Variants in PLEKHM1 observed in about 807,000 individuals in gnomAD.
The protein encoded by PLEKHM1 is pleckstrin homology and RUN domain containing M1.
Under a neutral mutation model 94.3 loss-of-function variants are expected in PLEKHM1, and 28 were observed. That is an observed-to-expected ratio of 0.30 (90% CI 0.22 to 0.41). PLEKHM1 has a LOEUF of 0.41. PLEKHM1 is among the 10% of genes least tolerant of loss of function. PLEKHM1 has a pLI of 1.00. For synonymous variants in PLEKHM1, 424 were observed against 581.2 expected (o/e 0.73, Z 3.89); for missense variants, 907 against 1,358.6 (o/e 0.67, Z 5.22).
rs1421199167 is a variant in PLEKHM1 at position 45,436,472 on chromosome 17, G to C, written c.*1386C>G. The C allele has an allele frequency of 2.2e-6, 1 of 453,562 alleles. No homozygotes were observed. Among genetic ancestry groups the C allele is most frequent in the Admixed American group, 2.3e-5 (1 of 42,554 alleles). The allele number at this position is 453,562 out of a possible 1,614,324, so 28.1% of individuals were successfully genotyped here. On this transcript the variant is annotated 3_prime_UTR_variant, in exon 12 of 12. Coordinates refer to ENST00000430334, the MANE Select transcript of PLEKHM1 (RefSeq NM_014798.3). ...ATCGCCCCCAGGGAAGGGTGGGGGTGGGCTCATCTCTGACAGTGACATGCG... is the reference window on the plus strand; with the variant it reads ...ATCGCCCCCAGGGAAGGGTGGGGGTCGGCTCATCTCTGACAGTGACATGCG...
intron 9 of PLEKHM1, 75 bp from the exon 10 acceptor site, chr17:45,440,301 C>T: frequency 1.2e-5 from 17 of 1,424,390 alleles, no homozygotes; most frequent in Non-Finnish European, 1.6e-5. Flanking sequence ...TGTTTACACT[C>T]CCCTGGCGCT....
chr17:45,478,870 G>A (rs1262425022), intron 2 of PLEKHM1, among the ~76,000 whole-genome samples: 1 of 152,052 alleles, frequency 6.6e-6, no homozygotes, highest in Non-Finnish European at 1.5e-5. Flanking sequence ...CAGAGGACTA[G>A]GCTCAGTCCT....
At chr17:45,485,418 C>A (rs1408998057) in intron 1 of PLEKHM1, among the ~76,000 whole-genome samples, 1 of 152,078 alleles carries the variant, frequency 6.6e-6, no homozygotes, top group African/African-American at 2.4e-5. Flanking sequence ...CCCAAAGTTG[C>A]CCTTCCCTTA....
chr17:45,477,971 C>G lies in PLEKHM1; in HGVS notation c.225G>C (p.Arg75Ser), dbSNP rs761329959. Residue 75 changes from arginine (R) to serine (S), a missense_variant, in exon 3 of 12, where the codon AGG becomes AGC. By Grantham distance (110) the Arg-to-Ser change is moderately radical. Transcript: ENST00000430334. ...GAGGCTTCTGGTGGGCACTTTTCTT[C>G]CTTTTTCCTCCGGCCTCAGCTCGGA... The part of the protein sequence containing the change: ...KHIRAEAGGK[R>S]KKSAHQKPLP... 1 of 1,613,858 alleles carries G rather than the reference C, an allele frequency of 6.2e-7. No homozygotes were observed. The highest frequency in any genetic ancestry group is 1.3e-5 in the African/African-American group (1 of 74,944).
intron 3 of PLEKHM1, chr17:45,477,433 C>CA (rs66616399): frequency 0.022 from 3,460 of 156,988 alleles, 26 homozygotes; most frequent in Middle Eastern, 0.045. Context: ...AACTCCATCC[C>CA]AAAAAAAAAA....
At position 45,454,056 on chromosome 17, in the gene PLEKHM1, G is replaced by C. The variant is rs751956968; in HGVS notation, c.1796C>G (p.Ser599Cys). 9 of 1,614,074 alleles carry C rather than the reference G, an allele frequency of 5.6e-6. No individual in the cohort carries two copies. The highest frequency in any genetic ancestry group is 7.6e-6 in the Non-Finnish European group (9 of 1,180,038). ...GGCGCGCAGGGCCAGCTTCTTGCCA[G>C]AGAAGACCAGCTCAAAGCGCCCATC... ...HSDGRFELVF[S>C]GKKLALRASS... Residue 599 changes from serine to cysteine, a missense_variant, in exon 7 of 12, where the codon TCT becomes TGT. Ser to Cys is a moderately radical substitution (Grantham distance 112). Coordinates refer to ENST00000430334, the MANE Select transcript of PLEKHM1 (RefSeq NM_014798.3).
At chr17:45,468,090 T>C (rs2051375633) in intron 5 of PLEKHM1, 119 bp downstream of exon 5, 7 of 1,134,340 alleles carry the variant, frequency 6.2e-6, no homozygotes, top group South Asian at 2.6e-5. Context: ...ACTATCACTA[T>C]GCAGGGAGAG....
rs1057518595 is a variant in PLEKHM1, at chr17:45,475,139, C to G, written c.884G>C (p.Gly295Ala). The G allele has an allele frequency of 6.2e-7, 1 of 1,613,854 alleles. No individual in the cohort carries two copies. The highest frequency in any genetic ancestry group is 1.3e-5 in the African/African-American group (1 of 74,926). Residue 295 changes from glycine (G) to alanine (A), a missense_variant, in exon 4 of 12, where the codon GGC (glycine) becomes GCC (alanine). By Grantham distance (60) the Gly-to-Ala change is moderately conservative. Transcript: ENST00000430334. ...GTCTGAGTCCTCAGCATTTGCTGTG[C>G]CCAGGTCTGAGTCACAGGACATGGG... The part of the protein sequence containing the change: ...EEPMSCDSDL[G>A]TANAEDSDRS...
chr17:45,478,808 G>A (rs1367120325), intron 2 of PLEKHM1, among the ~76,000 whole-genome samples: 2 of 151,734 alleles, frequency 1.3e-5, no homozygotes, highest in Non-Finnish European at 2.9e-5. Flanking sequence ...TCCAGCCTGG[G>A]CAACATAGCA....
intron 5 of PLEKHM1, among the ~76,000 whole-genome samples, chr17:45,462,975 G>A (rs1430072039): frequency 1.3e-5 from 2 of 150,860 alleles, no homozygotes; most frequent in East Asian, 1.9e-4. Flanking sequence ...TCAGCTACTC[G>A]GGAGGCTGAG....
chr17:45,443,770 G>A (rs2050520108), intron 9 of PLEKHM1, among the ~76,000 whole-genome samples: 1 of 152,160 alleles, frequency 6.6e-6, no homozygotes, highest in Non-Finnish European at 1.5e-5. Context: ...CTGGTTAGGT[G>A]GGCAGGAGGA....
At chr17:45,475,833 A>G in intron 3 of PLEKHM1, 107 bp from the exon 4 acceptor site, 1 of 1,194,184 alleles carries the variant, frequency 8.4e-7, no homozygotes, top group Non-Finnish European at 1.2e-6. Flanking sequence ...AAATAGATAC[A>G]GGCATGAAAA....
At chr17:45,477,862 C>T (rs1389790635) in intron 3 of PLEKHM1, 38 bp downstream of exon 3, 2 of 1,610,960 alleles carry the variant, frequency 1.2e-6, no homozygotes, top group Non-Finnish European at 1.7e-6. Context: ...TAGTCTGCTG[C>T]TCCTCCGCAA....
At chr17:45,479,926 T>C (rs142504010) in intron 2 of PLEKHM1, among the ~76,000 whole-genome samples, 2 of 152,314 alleles carry the variant, frequency 1.3e-5, no homozygotes, top group Non-Finnish European at 2.9e-5. Flanking sequence ...ACATAAGTGA[T>C]TGGAAAAGGA....
In PLEKHM1 at chr17:45,473,563, A is replaced by AT. The variant is rs67210907; in HGVS notation, c.923+1536dup. Among the ~76,000 whole-genome samples, 443 of 147,224 alleles carry AT rather than the reference A, an allele frequency of 3.0e-3. 8 individuals are homozygous for AT. The South Asian group carries it at 0.045, about 15-fold the overall frequency. On this transcript the variant is annotated intron_variant, in intron 4 of 11. Transcript: ENST00000430334. The stretch of plus-strand genomic sequence containing the variant: ...AAGGAAGAAATTTTAAAAATCTTTT[A>AT]TTTTTTTTTTTTTGGGACAGAGTCT...
In PLEKHM1 at chr17:45,435,955, A is replaced by G. The variant is rs561253614; in HGVS notation, c.*1903T>C. 2.2e-6 allele frequency: 1 copy of G among 456,552 alleles called. No individual in the cohort carries two copies. Among genetic ancestry groups the G allele is most frequent in the East Asian group, 6.9e-5 (1 of 14,400 alleles). 28.3% of individuals were successfully genotyped at this position (456,552 alleles called of 1,614,324 possible). On this transcript the variant is annotated 3_prime_UTR_variant, in exon 12 of 12. Transcript: ENST00000430334. ...ATCATTCAAAACTCACACGGCAGCA[A>G]TTCCTTCAATACATTGCAAAGACTC...
intron 6 of PLEKHM1, among the ~76,000 whole-genome samples, chr17:45,456,724 T>C (rs2050962481): frequency 6.6e-6 from 1 of 152,244 alleles, no homozygotes; most frequent in Non-Finnish European, 1.5e-5. Context: ...GCTGGGTCAC[T>C]GCAGACAGAA....
At chr17:45,476,583 C>T (rs1441620669) in intron 3 of PLEKHM1, among the ~76,000 whole-genome samples, 1 of 152,148 alleles carries the variant, frequency 6.6e-6, no homozygotes, top group Non-Finnish European at 1.5e-5. Context: ...CCCTGGGGAA[C>T]TTGAGCAGGA....
In PLEKHM1 at chr17:45,445,390, T is replaced by G; in HGVS notation, c.2837+80A>C. 2.6e-6 allele frequency: 3 copies of G among 1,146,176 alleles called. No individual in the cohort carries two copies. Among genetic ancestry groups the G allele is most frequent in the Admixed American group, 3.7e-5 (2 of 54,786 alleles). The allele number at this position is 1,146,176 out of a possible 1,614,324, so 71.0% of individuals were successfully genotyped here. A position where few individuals can be genotyped will look rare whatever the true frequency, so the allele number is the denominator to read the frequency against. On this transcript the variant is annotated intron_variant, in intron 9 of 11. Coordinates refer to ENST00000430334, the MANE Select transcript of PLEKHM1 (RefSeq NM_014798.3). The surrounding 1 kb of genome is among the most constrained non-coding windows in gnomAD (Gnocchi z 4.2). ...ATGTGTATGTGTGTCTGTGTGTACA[T>G]GTGCATATAAGTATGTGTTTGTGTG...
Sources: gnomAD v4.1 joint callset for allele counts (sites outside exome capture counted in the v4.1 genomes callset) on GRCh38, gnomAD v4.1.1 for gene constraint, Gnocchi (gnomAD v3.1) non-coding constraint, MANE v1.5 for transcripts, NCBI Gene and HGNC (gene_info 2026-07-23, HGNC 2026-07-21) for gene names.